LLGL2: variants seen among roughly 807,000 people sequenced by gnomAD.
LLGL2 encodes LLGL scribble cell polarity complex component 2, also known as LLGL2, scribble cell polarity complex component.
Under a neutral mutation model 123.2 loss-of-function variants are expected in LLGL2, and 81 were observed. The ratio of observed to expected loss-of-function variants is 0.66; its 90% CI spans 0.55 to 0.79. LLGL2 has a LOEUF of 0.79. LLGL2 is among the 30% of genes least tolerant of loss of function. The pLI is 0.00. For missense variants in LLGL2, 1,273 were observed against 1,414.6 expected (o/e 0.90, Z 1.61); for synonymous variants, 577 against 594.1 (o/e 0.97, Z 0.42).
Position 75,564,176 on chromosome 17 carries a change from C to T in LLGL2, c.882-177C>T, listed in dbSNP as rs1187283562. ...GCTGCTGAGACTCAGAGCCCCCAGC[C>T]TGGATGCCCTCACCTTACCTCCAAG... On this transcript the variant is annotated intron_variant, in intron 9 of 25. Coordinates refer to ENST00000392550, the MANE Select transcript of LLGL2 (RefSeq NM_001031803.2). This position sits in a 1 kb window ranked among gnomAD's most constrained non-coding sequence, Gnocchi z 4.9. Among the ~76,000 whole-genome samples, 2 of 152,240 alleles carry T rather than the reference C, an allele frequency of 1.3e-5. No individual in the cohort carries two copies. Among genetic ancestry groups the T allele is most frequent in the African/African-American group, 4.8e-5 (2 of 41,470 alleles).
intron 2 of LLGL2, among the ~76,000 whole-genome samples, chr17:75,553,639 A>C (rs1441826893): frequency 6.6e-6 from 1 of 152,194 alleles, no homozygotes; most frequent in Non-Finnish European, 1.5e-5. Flanking sequence ...TCTTTAAAGC[A>C]ATCAGTTGAC....
At chr17:75,570,579 T>G (rs2055659025) in intron 16 of LLGL2, 81 bp downstream of exon 16, 2 of 1,466,660 alleles carry the variant, frequency 1.4e-6, no homozygotes, top group Non-Finnish European at 1.8e-6. Context: ...ACACGGCCCC[T>G]GCTCCCCAGG....
At chr17:75,539,272 G>A (rs1279295868) in intron 1 of LLGL2, among the ~76,000 whole-genome samples, 2 of 152,092 alleles carry the variant, frequency 1.3e-5, no homozygotes, top group Admixed American at 1.3e-4. Context: ...TGTTGCCCTG[G>A]CTGGTCTTGA....
Position 75,559,278 on chromosome 17 carries a change from C to T in LLGL2, c.398C>T (p.Thr133Ile), listed in dbSNP as rs1417820004. The change falls in exon 6 of 26, where the codon ACC becomes ATC. Residue 133 changes from threonine to isoleucine, a missense_variant. Thr to Ile is a moderately conservative substitution (Grantham distance 89). Transcript: ENST00000392550. The surrounding 1 kb of genome is among the most constrained non-coding windows in gnomAD (Gnocchi z 4.6). ...PGAAPSATQI[T>I]VVLPHSSCEL... ...GCTGCCCCCAGTGCCACACAGATCACCGTGGTCCTGCCACATTCCTCCTGC... is the reference window on the plus strand; with the variant it reads ...GCTGCCCCCAGTGCCACACAGATCATCGTGGTCCTGCCACATTCCTCCTGC... 1.9e-6 allele frequency: 3 copies of T among 1,611,534 alleles called. No homozygotes were observed. The highest frequency in any genetic ancestry group is 1.1e-5 in the South Asian group (1 of 90,874).
At chr17:75,556,498 G>A (rs2054920956) in intron 3 of LLGL2, among the ~76,000 whole-genome samples, 1 of 152,146 alleles carries the variant, frequency 6.6e-6, no homozygotes, top group African/African-American at 2.4e-5. Context: ...ATTCCTGGAG[G>A]TTTCAGGAAT....
rs921416832 is a variant in LLGL2 at position 75,564,738 on chromosome 17, C to T, written c.1036+231C>T. 8.8e-6 allele frequency: 5 copies of T among 569,412 alleles called. No individual in the cohort carries two copies. The highest frequency in any genetic ancestry group is 1.2e-5 in the Non-Finnish European group (4 of 346,772). The allele number at this position is 569,412 out of a possible 1,614,324, so 35.3% of individuals were successfully genotyped here. A position where few individuals can be genotyped will look rare whatever the true frequency, so the allele number is the denominator to read the frequency against. ...AATTAGCCAGGTGTTGTGGCACGTACCTGTAGTCCTAGCTACTCAGGAGGC... is the reference window on the plus strand; with the variant it reads ...AATTAGCCAGGTGTTGTGGCACGTATCTGTAGTCCTAGCTACTCAGGAGGC... On this transcript the variant is annotated intron_variant, in intron 10 of 25. Transcript: ENST00000392550. The surrounding 1 kb of genome is among the most constrained non-coding windows in gnomAD (Gnocchi z 4.9).
chr17:75,527,683 T>C (rs1361186540), intron 1 of LLGL2, among the ~76,000 whole-genome samples: 1 of 152,110 alleles, frequency 6.6e-6, no homozygotes. Flanking sequence ...CCCAGGCTGG[T>C]CTCAAACTCC....
At chr17:75,571,852 C>T (rs748876669) in intron 18 of LLGL2, 46 bp from the exon 19 acceptor site, 1 of 1,604,520 alleles carries the variant, frequency 6.2e-7, no homozygotes, top group South Asian at 1.1e-5. Context: ...GTGGCTCCAG[C>T]CCTGCCACCC....
chr17:75,543,448 G>A lies in LLGL2; in HGVS notation c.22G>A (p.Gly8Arg), dbSNP rs1271068279. 1 of 1,611,212 alleles carries A rather than the reference G, an allele frequency of 6.2e-7. No homozygotes were observed. The highest frequency in any genetic ancestry group is 2.2e-5 in the East Asian group (1 of 44,712). The change falls in exon 2 of 26, where the codon GGG becomes AGG. Residue 8 changes from glycine (G) to arginine (R), a missense_variant. Coordinates refer to ENST00000392550, the MANE Select transcript of LLGL2 (RefSeq NM_001031803.2). ...CAAAATGAGGCGGTTCCTGAGGCCA[G>A]GGCATGACCCTGTGCGGGAGAGGCT... MRRFLRP[G>R]HDPVRERLKR...
Position 75,568,586 on chromosome 17 carries a change from C to T in LLGL2, c.1147C>T (p.His383Tyr), listed in dbSNP as rs1404951057. The T allele has an allele frequency of 6.2e-7, 1 of 1,613,962 alleles. No individual in the cohort carries two copies. The highest frequency in any genetic ancestry group is 1.7e-5 in the Admixed American group (1 of 60,026). The change falls in exon 11 of 26, where the codon CAC becomes TAC. Residue 383 changes from histidine to tyrosine, a missense_variant. Coordinates refer to ENST00000392550, the MANE Select transcript of LLGL2 (RefSeq NM_001031803.2). ...CCAGCTGCCCTACCTGGCTTCTCTGCACTGTTCCGCCATCACCTGCTCTCA... is the reference window on the plus strand; with the variant it reads ...CCAGCTGCCCTACCTGGCTTCTCTGTACTGTTCCGCCATCACCTGCTCTCA... The part of the protein sequence containing the change: ...PVQLPYLASL[H>Y]CSAITCSHHV...
In LLGL2 at chr17:75,558,502, C is replaced by T. The variant is rs770184510; in HGVS notation, c.256-10C>T. ...CAAGACCACATGATCCCGTCGTGTG[C>T]CCTCGCCAGTGCCAGCTGGTCACCC... is the stretch of plus-strand genomic sequence containing the variant. On this transcript the variant is annotated splice_polypyrimidine_tract_variant and intron_variant, in intron 4 of 25. Coordinates refer to ENST00000392550, the MANE Select transcript of LLGL2 (RefSeq NM_001031803.2). This position sits in a 1 kb window ranked among gnomAD's most constrained non-coding sequence, Gnocchi z 4.0. 4 of 1,572,046 alleles carry T rather than the reference C, an allele frequency of 2.5e-6. No individual in the cohort carries two copies. The Admixed American group carries it at 7.4e-5, about 29-fold the overall frequency.
Position 75,573,942 on chromosome 17 carries a change from T to TC in LLGL2, c.2877-5dup. On this transcript the variant is annotated splice_polypyrimidine_tract_variant and intron_variant, in intron 21 of 25. Transcript: ENST00000392550. ...GGGGGCCCTGGTCCTCACTGTCTCT[T>TC]CCCCCACAGGAACTCAGGGACTCAG... 1 of 1,550,348 alleles carries TC rather than the reference T, an allele frequency of 6.5e-7. No homozygotes were observed. The highest frequency in any genetic ancestry group is 8.7e-7 in the Non-Finnish European group (1 of 1,146,868).
At chr17:75,571,616 C>G in intron 17 of LLGL2, 51 bp from the exon 18 acceptor site, 1 of 1,410,434 alleles carries the variant, frequency 7.1e-7, no homozygotes, top group South Asian at 1.2e-5. Flanking sequence ...TGCCCAGCTC[C>G]ACCCGACTCC....
chr17:75,571,361 G>GCCT, intron 17 of LLGL2: 1 of 578,028 alleles, frequency 1.7e-6, no homozygotes, highest in Non-Finnish European at 3.1e-6. Flanking sequence ...GCCTTTCAGG[G>GCCT]CCTCAGCTTG....
intron 17 of LLGL2, 42 bp downstream of exon 17, chr17:75,571,142 C>T (rs1651517669): frequency 2.6e-6 from 4 of 1,534,538 alleles, no homozygotes; most frequent in Non-Finnish European, 3.6e-6. Context: ...GGGTAGTGGG[C>T]AGCAGACACC....
Position 75,570,399 on chromosome 17 carries a change from C to T in LLGL2, c.1926C>T (p.Arg642=), listed in dbSNP as rs143319696. ...TGGCCTTGGAGGGCCCACTCTCCCG[C>T]GTCAAGTCCCTCAAGAAGTCCTTGC... ...DQLALEGPLS[R]VKSLKKSLRQ... Residue 642 remains arginine (R), a synonymous_variant, in exon 16 of 26, where the codon CGC becomes CGT. Coordinates refer to ENST00000392550, the MANE Select transcript of LLGL2 (RefSeq NM_001031803.2). 25 of 1,610,660 alleles carry T rather than the reference C, an allele frequency of 1.6e-5. No individual in the cohort carries two copies. The African/African-American group carries it at 2.3e-4, about 15-fold the overall frequency.
intron 1 of LLGL2, among the ~76,000 whole-genome samples, chr17:75,539,603 G>A (rs1261792824): frequency 6.8e-6 from 1 of 146,352 alleles, no homozygotes; most frequent in Non-Finnish European, 1.5e-5. Flanking sequence ...CCCATTTTCT[G>A]GTTACTTTTT....
chr17:75,570,445 C>T lies in LLGL2; in HGVS notation c.1972C>T (p.Arg658Cys), dbSNP rs771130362. Residue 658 changes from arginine (R) to cysteine (C), a missense_variant, in exon 16 of 26, where the codon CGT becomes TGT. Coordinates refer to ENST00000392550, the MANE Select transcript of LLGL2 (RefSeq NM_001031803.2). ...CTTGCGTCAGTCATTCCGCCGGATG[C>T]GTCGGAGCCGGGTGTCCAGCCGGAA... ...KSLRQSFRRM[R>C]RSRVSSRKRH... 7 of 1,597,330 alleles carry T rather than the reference C, an allele frequency of 4.4e-6. No individual in the cohort carries two copies. Among genetic ancestry groups the T allele is most frequent in the African/African-American group, 1.3e-5 (1 of 74,564 alleles).
At chr17:75,570,593 G>A (rs2055659900) in intron 16 of LLGL2, 95 bp downstream of exon 16, 4 of 1,420,072 alleles carry the variant, frequency 2.8e-6, no homozygotes, top group Non-Finnish European at 2.8e-6. Context: ...CCCCAGGCTT[G>A]CTAGGCTACA....
Sources: gnomAD v4.1 joint callset for allele counts (sites outside exome capture counted in the v4.1 genomes callset) on GRCh38, gnomAD v4.1.1 for gene constraint, Gnocchi (gnomAD v3.1) non-coding constraint, MANE v1.5 for transcripts, NCBI Gene and HGNC (gene_info 2026-07-23, HGNC 2026-07-21) for gene names.